TMEM132E: variants seen among roughly 807,000 people sequenced by gnomAD.
TMEM132E encodes the protein transmembrane protein 132E.
Under a neutral mutation model 78.5 loss-of-function variants are expected in TMEM132E, and 49 were observed. The observed-to-expected ratio is 0.62, with a 90% CI of 0.50 to 0.79. The LOEUF is 0.79. Ranked by LOEUF, TMEM132E falls within the 30% of genes least tolerant of loss-of-function variation. The probability of loss-of-function intolerance (pLI) is 0.00; values close to 1 mark genes in which losing one functional copy is unlikely to be tolerated. For synonymous variants in TMEM132E, 715 were observed against 670.6 expected, an observed-to-expected ratio of 1.07 and a Z score of -1.02; for missense variants, 1,403 against 1,470.9, an observed-to-expected ratio of 0.95 and a Z score of 0.75.
intron 1 of TMEM132E, among the ~76,000 whole-genome samples, chr17:34,589,411 G>A (rs1905785032): frequency 1.3e-5 from 2 of 152,212 alleles, no homozygotes; most frequent in Admixed American, 1.3e-4. Flanking sequence ...CATGCCGGCT[G>A]TTCTCATCTG....
chr17:34,587,667 A>T (rs1905724296), intron 1 of TMEM132E, among the ~76,000 whole-genome samples: 1 of 152,140 alleles, frequency 6.6e-6, no homozygotes, highest in Admixed American at 6.5e-5. Context: ...GGTACAGGTG[A>T]TGCAGCGGCC....
intron 1 of TMEM132E, among the ~76,000 whole-genome samples, chr17:34,602,872 GGGGAAGCA>G (rs2142060932): frequency 1.3e-5 from 2 of 152,328 alleles, no homozygotes; most frequent in South Asian, 4.2e-4. Flanking sequence ...GGCAGAAGCT[GGGGAAGCA>G]GGTCCACGTG....
At chr17:34,633,127 T>A (rs1345245123) in intron 6 of TMEM132E, among the ~76,000 whole-genome samples, 1 of 152,184 alleles carries the variant, frequency 6.6e-6, no homozygotes, top group Non-Finnish European at 1.5e-5. Flanking sequence ...ACCCTGCCAG[T>A]CTCTCAGTCC....
rs1301971901 is a variant in TMEM132E, at chr17:34,626,256, C to T, written c.197C>T (p.Pro66Leu). The change falls in exon 2 of 9, where the codon CCC (proline) becomes CTC (leucine). Residue 66 changes from proline to leucine, a missense_variant. This residue lies in a region of TMEM132E where 511 missense variants were observed against 499.0 expected (regional missense o/e 1.02). Transcript: ENST00000631683. ...CTGCGGGAGGCGCGGCCCCCGTCAC[C>T]CGCGGTCGCCAACAGCTCTCTGCAG... Reference protein sequence around the residue: ...FFLREARPPSPAVANSSLQRS... With the variant: ...FFLREARPPSLAVANSSLQRS... 5 of 1,602,108 alleles carry T rather than the reference C, an allele frequency of 3.1e-6. No homozygotes were observed. Among genetic ancestry groups the T allele is most frequent in the Non-Finnish European group, 4.3e-6 (5 of 1,175,042 alleles).
intron 7 of TMEM132E, 132 bp from the exon 8 acceptor site, chr17:34,635,874 GT>G: frequency 1.1e-6 from 1 of 910,184 alleles, no homozygotes; most frequent in Non-Finnish European, 1.5e-6. Context: ...GAGCTGCGAA[GT>G]CCTGCCTCCC....
Position 34,581,092 on chromosome 17 carries a change from T to C in TMEM132E, c.16T>C (p.Ser6Pro). The stretch of plus-strand genomic sequence containing the variant: ...CGCCTCGGCCATGGCCCCGGGGATG[T>C]CGGGCCGCGGCGGCGCCGCCCTGCT... MAPGM[S>P]GRGGAALLCL... is the part of the protein sequence containing the mutation. Residue 6 changes from serine (S) to proline (P), a missense_variant, in exon 1 of 9, where the codon TCG (serine) becomes CCG (proline). By Grantham distance (74) the Ser-to-Pro change is moderately conservative (BLOSUM62 -1). Coordinates refer to ENST00000631683, the MANE Select transcript of TMEM132E (RefSeq NM_001304438.2). 1 of 1,551,854 alleles carries C rather than the reference T, an allele frequency of 6.4e-7. No homozygotes were observed. The highest frequency in any genetic ancestry group is 2.5e-5 in the East Asian group (1 of 40,626).
At chr17:34,625,586 G>C (rs768463809) in intron 1 of TMEM132E, among the ~76,000 whole-genome samples, 1 of 150,348 alleles carries the variant, frequency 6.7e-6, no homozygotes, top group East Asian at 1.9e-4. Context: ...AACTGGTCGC[G>C]TGGATGGAGA....
At chr17:34,612,121 A>C (rs1419267238) in intron 1 of TMEM132E, among the ~76,000 whole-genome samples, 1 of 152,090 alleles carries the variant, frequency 6.6e-6, no homozygotes, top group Non-Finnish European at 1.5e-5. Flanking sequence ...CTCTCAACGC[A>C]CACACACCTG....
intron 1 of TMEM132E, among the ~76,000 whole-genome samples, chr17:34,584,039 C>T (rs1905582711): frequency 6.6e-6 from 1 of 152,164 alleles, no homozygotes; most frequent in Non-Finnish European, 1.5e-5. Context: ...TAGGGGTCAG[C>T]GTGGTGGATA....
intron 1 of TMEM132E, among the ~76,000 whole-genome samples, chr17:34,582,670 A>T (rs1276791705): frequency 6.6e-6 from 1 of 152,098 alleles, no homozygotes; most frequent in Non-Finnish European, 1.5e-5. Context: ...TCTGTGTGCA[A>T]CACTGAGAAT....
At chr17:34,609,397 A>C (rs555478582) in intron 1 of TMEM132E, among the ~76,000 whole-genome samples, 1 of 152,270 alleles carries the variant, frequency 6.6e-6, no homozygotes, top group East Asian at 1.9e-4. Context: ...GGGGAGTGGC[A>C]CCTGCCCCTT....
rs745393011 is a variant in TMEM132E at position 34,626,113 on chromosome 17, C to G, written c.68-14C>G. On this transcript the variant is annotated splice_polypyrimidine_tract_variant and intron_variant, in intron 1 of 8. Transcript: ENST00000631683. ...CCTGACCACCCTGGGCCTCTTTCCTCTGTCTGTCCCCAGCCTCTGGCCGCT... is the reference window on the plus strand; with the variant it reads ...CCTGACCACCCTGGGCCTCTTTCCTGTGTCTGTCCCCAGCCTCTGGCCGCT... 55 of 1,492,732 alleles carry G rather than the reference C, an allele frequency of 3.7e-5. No homozygotes were observed. In the South Asian group the frequency reaches 7.4e-4, roughly 20 times the overall value. The allele number at this position is 1,492,732 out of a possible 1,614,324, so 92.5% of individuals were successfully genotyped here.
At chr17:34,601,985 T>C (rs1181065905) in intron 1 of TMEM132E, among the ~76,000 whole-genome samples, 1 of 152,218 alleles carries the variant, frequency 6.6e-6, no homozygotes, top group Non-Finnish European at 1.5e-5. Context: ...GGACTCACAG[T>C]CTAGTGCTCC....
chr17:34,630,050 G>T lies in TMEM132E; in HGVS notation c.1381G>T (p.Val461Leu). ...INTAILTGRTVAIPVKVIAIE... is the reference protein window; with the variant it reads ...INTAILTGRTLAIPVKVIAIE... ...CACGGCCATTCTGACTGGCCGGACA[G>T]TGGCCATCCCTGTCAAGGTCATTGC... The change falls in exon 5 of 9, where the codon GTG becomes TTG. Residue 461 changes from valine to leucine, a missense_variant. Transcript: ENST00000631683. The T allele has an allele frequency of 6.2e-7, 1 of 1,613,142 alleles. No homozygotes were observed. Among genetic ancestry groups the T allele is most frequent in the Non-Finnish European group, 8.5e-7 (1 of 1,179,214 alleles).
At chr17:34,614,724 C>T (rs1906719933) in intron 1 of TMEM132E, 1 of 152,490 alleles carries the variant, frequency 6.6e-6, no homozygotes, top group Non-Finnish European at 1.5e-5. Flanking sequence ...GGCCTCCAAA[C>T]TCCAAGCCCC....
chr17:34,602,885 C>T (rs753615350), intron 1 of TMEM132E, among the ~76,000 whole-genome samples: 8 of 152,186 alleles, frequency 5.3e-5, no homozygotes, highest in South Asian at 2.1e-4. Flanking sequence ...GAAGCAGGTC[C>T]ACGTGGGATG....
At chr17:34,615,362 T>TCCTTACTTACTTCCTTACTC (rs1466032140) in intron 1 of TMEM132E, among the ~76,000 whole-genome samples, 3 of 152,172 alleles carry the variant, frequency 2.0e-5, no homozygotes, top group African/African-American at 4.8e-5. Context: ...TCTCTGTGAT[T>TCCTTACTTACTTCCTTACTC]TCCTTCCTTC....
intron 1 of TMEM132E, among the ~76,000 whole-genome samples, chr17:34,583,778 C>T (rs1905574432): frequency 6.6e-6 from 1 of 152,232 alleles, no homozygotes; most frequent in Admixed American, 6.5e-5. Flanking sequence ...CCACAGGCAG[C>T]GTGGTCTCTG....
At chr17:34,592,071 C>T (rs2142052908) in intron 1 of TMEM132E, among the ~76,000 whole-genome samples, 1 of 152,340 alleles carries the variant, frequency 6.6e-6, no homozygotes, top group South Asian at 2.1e-4. Flanking sequence ...GTGCCAAAGA[C>T]TTCCCGGAGA....
Sources: gnomAD v4.1 joint callset for allele counts (sites outside exome capture counted in the v4.1 genomes callset) on GRCh38, gnomAD v4.1.1 for gene constraint, gnomAD v4.1.1 regional missense constraint, MANE v1.5 for transcripts, NCBI Gene and HGNC (gene_info 2026-07-23, HGNC 2026-07-21) for gene names.